Variants in RFX7 observed in about 807,000 individuals in gnomAD.
RFX7 encodes regulatory factor X7.
A neutral mutation model predicts 111.8 loss-of-function variants in RFX7; 26 were observed. The observed-to-expected ratio is 0.23, with a 90% CI of 0.17 to 0.32. The LOEUF (loss-of-function observed/expected upper bound fraction) is 0.32, where lower values mean the gene tolerates loss of function less well. Among genes scored for constraint, RFX7 ranks in the 10% least tolerant of loss-of-function variants. The pLI is 1.00. For synonymous variants in RFX7, 624 were observed against 624.4 expected (o/e 1.00, Z 0.01); for missense variants, 1,573 against 1,772.9 (o/e 0.89, Z 2.02).
intron 2 of RFX7, among the ~76,000 whole-genome samples, chr15:56,184,193 A>AT (rs35880948): frequency 0.35 from 27,968 of 80,752 alleles, 5,399 homozygotes; most frequent in Non-Finnish European, 0.45. Flanking sequence ...CTAATTTTGT[A>AT]TTTTTTTTTT....
rs2041678720 is a variant in RFX7 at position 56,096,435 on chromosome 15, C to T, written c.1293G>A (p.Gln431=). The T allele has an allele frequency of 3.1e-6, 5 of 1,613,558 alleles. No individual in the cohort carries two copies. Among genetic ancestry groups the T allele is most frequent in the Non-Finnish European group, 3.4e-6 (4 of 1,179,748 alleles). ...TGGTGTTCGCTGGTTTGGGTAAGAT[C>T]TGAGGGTAACGGTGCCGGGCAGAAC... ...GDRSARHRYP[Q]ILPKPANTSA... Residue 431 remains glutamine (Q), a synonymous_variant, in exon 10 of 10, where the codon CAG becomes CAA. Coordinates refer to ENST00000559447, the MANE Select transcript of RFX7 (RefSeq NM_022841.7).
At chr15:56,207,678 A>T (rs2043268014) in intron 2 of RFX7, among the ~76,000 whole-genome samples, 1 of 152,236 alleles carries the variant, frequency 6.6e-6, no homozygotes. Context: ...CTTGTGCTCT[A>T]CAAAAGACTG....
intron 2 of RFX7, among the ~76,000 whole-genome samples, chr15:56,237,329 T>C (rs1307840190): frequency 6.6e-6 from 1 of 152,212 alleles, no homozygotes; most frequent in Non-Finnish European, 1.5e-5. Flanking sequence ...AGGTTAATAT[T>C]ACAAGTGAAT....
chr15:56,161,683 A>C (rs2141085862), intron 3 of RFX7, among the ~76,000 whole-genome samples: 1 of 152,228 alleles, frequency 6.6e-6, no homozygotes, highest in Middle Eastern at 3.4e-3. Context: ...TGAATCTCTG[A>C]AACTGAGATA....
chr15:56,131,433 A>AT (rs1181699149), intron 5 of RFX7, among the ~76,000 whole-genome samples: 1 of 151,998 alleles, frequency 6.6e-6, no homozygotes, highest in African/African-American at 2.4e-5. Flanking sequence ...TGCCCAGCTA[A>AT]TTTTTTGTAG....
chr15:56,234,965 T>C (rs2414467), intron 2 of RFX7, among the ~76,000 whole-genome samples: 1 of 152,082 alleles, frequency 6.6e-6, no homozygotes, highest in Non-Finnish European at 1.5e-5. Context: ...CCCCTGGGAG[T>C]TGACGAAAGG....
chr15:56,161,605 A>G (rs2141085672), intron 3 of RFX7, among the ~76,000 whole-genome samples: 1 of 152,198 alleles, frequency 6.6e-6, no homozygotes, highest in East Asian at 1.9e-4. Context: ...ATGATAAATC[A>G]AAAGATAAAT....
chr15:56,139,970 C>T (rs577625518), intron 5 of RFX7, among the ~76,000 whole-genome samples: 4 of 152,220 alleles, frequency 2.6e-5, no homozygotes, highest in East Asian at 1.9e-4. Flanking sequence ...GCAGTCTGCC[C>T]GTTCTCAGAT....
intron 2 of RFX7, among the ~76,000 whole-genome samples, chr15:56,183,017 G>A (rs2042992156): frequency 6.6e-6 from 1 of 151,778 alleles, no homozygotes; most frequent in Non-Finnish European, 1.5e-5. Context: ...CATGATATAG[G>A]TAATACATAT....
intron 2 of RFX7, among the ~76,000 whole-genome samples, chr15:56,180,732 C>G (rs1203589494): frequency 2.7e-5 from 4 of 147,436 alleles, no homozygotes; most frequent in African/African-American, 1.0e-4. Flanking sequence ...ACGGTAAAAC[C>G]CCATATCTAC....
At chr15:56,165,525 G>T (rs1178851239) in intron 3 of RFX7, among the ~76,000 whole-genome samples, 1 of 152,006 alleles carries the variant, frequency 6.6e-6, no homozygotes, top group African/African-American at 2.4e-5. Flanking sequence ...TCCTCCTTTG[G>T]TCAGTTCTCA....
At chr15:56,096,713 T>C in intron 9 of RFX7, 93 bp from the exon 10 acceptor site, 1 of 1,339,308 alleles carries the variant, frequency 7.5e-7, no homozygotes. Flanking sequence ...ATTTATTAAA[T>C]GTTAATGTTA....
intron 7 of RFX7, 85 bp from the exon 8 acceptor site, chr15:56,101,651 A>G: frequency 8.4e-7 from 1 of 1,184,752 alleles, no homozygotes; most frequent in Non-Finnish European, 1.2e-6. Flanking sequence ...ATTCTTAATT[A>G]GAAGATACAA....
intron 3 of RFX7, among the ~76,000 whole-genome samples, chr15:56,156,069 C>G (rs560076636): frequency 2.6e-5 from 4 of 152,154 alleles, no homozygotes; most frequent in Admixed American, 1.3e-4. Context: ...TGTTCCTCTA[C>G]TTTGGGCCGT....
chr15:56,098,802 A>G (rs1342142926), intron 8 of RFX7, among the ~76,000 whole-genome samples: 1 of 152,256 alleles, frequency 6.6e-6, no homozygotes, highest in Non-Finnish European at 1.5e-5. Flanking sequence ...TATTTAGCCC[A>G]TGAGGGGCAT....
At chr15:56,232,927 G>C (rs1474833966) in intron 2 of RFX7, among the ~76,000 whole-genome samples, 1 of 152,120 alleles carries the variant, frequency 6.6e-6, no homozygotes, top group Non-Finnish European at 1.5e-5. Flanking sequence ...AGTCTCTAGG[G>C]AGTTCCAAAC....
chr15:56,094,763 G>A lies in RFX7; in HGVS notation c.2965C>T (p.Pro989Ser). 3 of 1,612,968 alleles carry A rather than the reference G, an allele frequency of 1.9e-6. No individual in the cohort carries two copies. The highest frequency in any genetic ancestry group is 1.3e-5 in the African/African-American group (1 of 75,028). The change falls in exon 10 of 10, where the codon CCT becomes TCT. Residue 989 changes from proline to serine, a missense_variant. This residue lies in a region of RFX7 where 625 missense variants were observed against 632.2 expected (regional missense o/e 0.99). Transcript: ENST00000559447. ...SPCSRLAQTT[P>S]VDSALGSSRH... ...CTACTTCCTAAAGCACTATCCACAG[G>A]TGTAGTCTGGGCTAGCCTGGAGCAA...
intron 2 of RFX7, among the ~76,000 whole-genome samples, chr15:56,184,193 A>ATTT (rs35880948): frequency 6.6e-4 from 53 of 80,704 alleles, no homozygotes; most frequent in South Asian, 2.8e-3. Flanking sequence ...CTAATTTTGT[A>ATTT]TTTTTTTTTT....
intron 5 of RFX7, among the ~76,000 whole-genome samples, chr15:56,137,489 A>G (rs1482411560): frequency 6.6e-6 from 1 of 151,944 alleles, no homozygotes; most frequent in Non-Finnish European, 1.5e-5. Flanking sequence ...TATTGCATCT[A>G]TTCGATTCTT....
Sources: gnomAD v4.1 joint callset for allele counts (sites outside exome capture counted in the v4.1 genomes callset) on GRCh38, gnomAD v4.1.1 for gene constraint, gnomAD v4.1.1 regional missense constraint, MANE v1.5 for transcripts, NCBI Gene and HGNC (gene_info 2026-07-23, HGNC 2026-07-21) for gene names.